CMSS1: variants seen among roughly 807,000 people sequenced by gnomAD.
The protein encoded by CMSS1 is protein CMSS1.
A neutral mutation model predicts 43.5 loss-of-function variants in CMSS1; 33 were observed. The ratio of observed to expected loss-of-function variants is 0.76; its 90% confidence interval spans 0.57 to 1.01. The LOEUF is 1.01. Among genes scored for constraint, CMSS1 ranks in the 50% least tolerant of loss-of-function variants. The pLI is 0.00. For missense variants in CMSS1, 313 were observed against 326.4 expected (o/e 0.96, Z 0.32); for synonymous variants, 115 against 117.2 (o/e 0.98, Z 0.12).
intron 1 of CMSS1, among the ~76,000 whole-genome samples, chr3:99,969,941 G>A (rs1708765395): frequency 6.6e-6 from 1 of 152,158 alleles, no homozygotes; most frequent in African/African-American, 2.4e-5. Flanking sequence ...AAGATAATTG[G>A]ATAATATGAA....
chr3:100,014,416 A>G (rs1229847626), intron 1 of CMSS1, among the ~76,000 whole-genome samples: 2 of 152,060 alleles, frequency 1.3e-5, no homozygotes, highest in African/African-American at 2.4e-5. Context: ...AGAAACCTGC[A>G]GACTTATTTT....
chr3:99,915,655 C>T (rs558294018), intron 1 of CMSS1, among the ~76,000 whole-genome samples: 1 of 152,172 alleles, frequency 6.6e-6, no homozygotes, highest in East Asian at 1.9e-4. Flanking sequence ...TCACAGAGCA[C>T]TGTCTTGCCC....
chr3:100,038,632 A>G (rs2065150505), intron 1 of CMSS1, among the ~76,000 whole-genome samples: 1 of 152,190 alleles, frequency 6.6e-6, no homozygotes, highest in Non-Finnish European at 1.5e-5. Flanking sequence ...ATGCTTCCAT[A>G]ACAAAAACTG....
intron 1 of CMSS1, among the ~76,000 whole-genome samples, chr3:100,137,412 G>C (rs193141361): frequency 5.6e-4 from 86 of 152,248 alleles, no homozygotes; most frequent in African/African-American, 2.0e-3. Context: ...TTCTAAACTT[G>C]CATGCACCTA....
At chr3:99,924,507 G>A (rs1338739886) in intron 1 of CMSS1, 5 of 1,221,874 alleles carry the variant, frequency 4.1e-6, no homozygotes, top group Non-Finnish European at 1.2e-6. Context: ...TTCGGCAGTG[G>A]GTTTTTTTGG....
intron 2 of CMSS1, among the ~76,000 whole-genome samples, chr3:100,151,513 A>G (rs748589432): frequency 6.6e-6 from 1 of 152,200 alleles, no homozygotes; most frequent in Non-Finnish European, 1.5e-5. Flanking sequence ...ACAGCGTTGC[A>G]GTTGCCTTTC....
intron 1 of CMSS1, among the ~76,000 whole-genome samples, chr3:100,085,945 C>A (rs1372727638): frequency 1.3e-5 from 2 of 152,170 alleles, no homozygotes; most frequent in Non-Finnish European, 2.9e-5. Flanking sequence ...ATAAAGGTCA[C>A]CACTTTTAAT....
At position 100,082,033 on chromosome 3, in the gene CMSS1, T is replaced by C. The variant is rs539366832; in HGVS notation, c.65-64940T>C. ...GAAAAACTGTTCCAGTATCTTATGA[T>C]ATTCTCTCCCCATCTTCCAAAAAGT... On this transcript the variant is annotated intron_variant, in intron 1 of 9. Transcript: ENST00000421999. Among the ~76,000 whole-genome samples, 106 of 152,350 alleles carry C rather than the reference T, an allele frequency of 7.0e-4. No homozygotes were observed. The South Asian group carries it at 0.021, about 31-fold the overall frequency.
At chr3:99,891,986 A>G (rs994819611) in intron 1 of CMSS1, among the ~76,000 whole-genome samples, 2 of 152,196 alleles carry the variant, frequency 1.3e-5, no homozygotes, top group African/African-American at 4.8e-5. Context: ...ATACAATATA[A>G]TAATTTTTCT....
intron 1 of CMSS1, among the ~76,000 whole-genome samples, chr3:99,976,144 CA>C (rs555502446): frequency 1.1e-3 from 163 of 152,234 alleles, no homozygotes; most frequent in African/African-American, 3.7e-3. Context: ...CTCAGCCTCC[CA>C]AAGTACTCAT....
chr3:100,087,043 T>C (rs2066021099), intron 1 of CMSS1, among the ~76,000 whole-genome samples: 1 of 152,248 alleles, frequency 6.6e-6, no homozygotes, highest in Non-Finnish European at 1.5e-5. Flanking sequence ...TTGTTCCTTT[T>C]TGCTGCTGTT....
chr3:100,010,110 T>C (rs1576638387), intron 1 of CMSS1: 6 of 925,062 alleles, frequency 6.5e-6, no homozygotes, highest in Non-Finnish European at 7.7e-6. Context: ...ACTTTTTTCT[T>C]TCTGTCTCTC....
intron 1 of CMSS1, among the ~76,000 whole-genome samples, chr3:100,068,383 TC>T (rs2065703326): frequency 1.4e-5 from 2 of 138,678 alleles, no homozygotes; most frequent in Admixed American, 1.4e-4. Context: ...TGTGTGTGTG[TC>T]AGAGAGATAT....
intron 1 of CMSS1, among the ~76,000 whole-genome samples, chr3:100,024,855 A>G (rs1387409024): frequency 6.6e-6 from 1 of 152,156 alleles, no homozygotes; most frequent in African/African-American, 2.4e-5. Flanking sequence ...GGTCAGAAAC[A>G]TTCGTAGCCA....
chr3:99,959,920 G>T (rs1708443746), intron 1 of CMSS1, among the ~76,000 whole-genome samples: 1 of 152,144 alleles, frequency 6.6e-6, no homozygotes, highest in Non-Finnish European at 1.5e-5. Context: ...ATTGTACAAA[G>T]GAGATGCATT....
chr3:99,865,167 G>A (rs1337036032), intron 1 of CMSS1, among the ~76,000 whole-genome samples: 1 of 152,160 alleles, frequency 6.6e-6, no homozygotes, highest in East Asian at 1.9e-4. Flanking sequence ...CATGTACCGT[G>A]TTAGTCCTGC....
intron 2 of CMSS1, among the ~76,000 whole-genome samples, chr3:100,149,989 C>T (rs951852849): frequency 1.3e-5 from 2 of 152,100 alleles, no homozygotes; most frequent in African/African-American, 4.8e-5. Context: ...AAAGGCTCCT[C>T]CACCTTGACA....
intron 1 of CMSS1, among the ~76,000 whole-genome samples, chr3:100,072,215 T>C (rs2065774504): frequency 6.6e-6 from 1 of 152,222 alleles, no homozygotes; most frequent in Admixed American, 6.5e-5. Context: ...TGCCAAAGTC[T>C]TTCAGCTCTA....
At chr3:100,077,574 C>T (rs1020618187) in intron 1 of CMSS1, among the ~76,000 whole-genome samples, 1 of 152,092 alleles carries the variant, frequency 6.6e-6, no homozygotes, top group African/African-American at 2.4e-5. Context: ...TAGCCTTCAT[C>T]CCCACAAGAA....
Sources: allele counts gnomAD v4.1 joint callset (sites outside exome capture counted in the v4.1 genomes callset), GRCh38; gene constraint gnomAD v4.1.1; transcripts MANE v1.5; gene names NCBI Gene and HGNC (gene_info 2026-07-23, HGNC 2026-07-21).